The following DPP6 variants were observed in gnomAD, a reference collection of about 807,000 sequenced individuals.
DPP6 encodes the protein A-type potassium channel modulatory protein DPP6.
A neutral mutation model predicts 122.6 loss-of-function variants in DPP6; 69 were observed. The ratio of observed to expected loss-of-function variants is 0.56; its 90% CI spans 0.46 to 0.69. DPP6 has a LOEUF of 0.69. DPP6 is among the 30% of genes least tolerant of loss of function. DPP6 has a pLI of 0.00. For synonymous variants in DPP6, 418 were observed against 433.1 expected (o/e 0.97, Z 0.43); for missense variants, 928 against 1,116.9 (o/e 0.83, Z 2.41).
At chr7:154,090,981 C>A (rs924722569) in intron 1 of DPP6, among the ~76,000 whole-genome samples, 1 of 150,846 alleles carries the variant, frequency 6.6e-6, no homozygotes, top group Non-Finnish European at 1.5e-5. Context: ...ATTAGCCAGG[C>A]GTGGTGGCGG....
intron 7 of DPP6, among the ~76,000 whole-genome samples, chr7:154,705,431 CA>C (rs1322702363): frequency 6.6e-6 from 1 of 152,168 alleles, no homozygotes; most frequent in Non-Finnish European, 1.5e-5. Flanking sequence ...TCTTCCAGTG[CA>C]AAACGTCTTC....
chr7:154,567,516 G>C (rs753804230), intron 5 of DPP6, among the ~76,000 whole-genome samples: 5 of 152,126 alleles, frequency 3.3e-5, no homozygotes, highest in Non-Finnish European at 7.4e-5. Context: ...TGACATGCTC[G>C]TATTTCAAAT....
intron 1 of DPP6, among the ~76,000 whole-genome samples, chr7:154,077,960 C>CTT (rs1303821162): frequency 6.6e-6 from 1 of 152,120 alleles, no homozygotes; most frequent in Non-Finnish European, 1.5e-5. Context: ...TGAGCTACTG[C>CTT]TCCCGGCCAA....
At chr7:154,448,017 C>T (rs1820034734) in intron 2 of DPP6, among the ~76,000 whole-genome samples, 1 of 152,138 alleles carries the variant, frequency 6.6e-6, no homozygotes, top group Non-Finnish European at 1.5e-5. Context: ...AGATGGTAGA[C>T]AAGGATGTTC....
At chr7:154,205,699 C>G (rs1799405544) in intron 1 of DPP6, among the ~76,000 whole-genome samples, 1 of 152,102 alleles carries the variant, frequency 6.6e-6, no homozygotes, top group Admixed American at 6.5e-5. Flanking sequence ...CGGAGCACTC[C>G]TCCGCCATGA....
At chr7:154,017,900 A>G (rs1027256579) in intron 1 of DPP6, among the ~76,000 whole-genome samples, 2 of 152,040 alleles carry the variant, frequency 1.3e-5, no homozygotes, top group Non-Finnish European at 2.9e-5. Context: ...AGGAATTCGT[A>G]AATACAAAGA....
intron 1 of DPP6, among the ~76,000 whole-genome samples, chr7:154,285,904 CAACTT>C (rs1368267258): frequency 2.0e-5 from 3 of 152,180 alleles, no homozygotes; most frequent in Admixed American, 1.3e-4. Flanking sequence ...TTCATTCTGA[CAACTT>C]GACTGGTGAT....
chr7:154,270,809 C>G (rs779650640), intron 1 of DPP6, among the ~76,000 whole-genome samples: 2 of 152,148 alleles, frequency 1.3e-5, no homozygotes, highest in Non-Finnish European at 2.9e-5. Context: ...AAATTCTGCC[C>G]TGGTTCTGGG....
chr7:154,669,684 A>C (rs902362922), intron 7 of DPP6, among the ~76,000 whole-genome samples: 2 of 152,154 alleles, frequency 1.3e-5, no homozygotes, highest in East Asian at 3.8e-4. Context: ...TACATCTGAC[A>C]TGGTTAAAGT....
At chr7:154,496,018 A>G (rs1586452573) in intron 3 of DPP6, among the ~76,000 whole-genome samples, 1 of 152,226 alleles carries the variant, frequency 6.6e-6, no homozygotes. Context: ...AATAGGGAAT[A>G]CCTCATCCAG....
intron 1 of DPP6, among the ~76,000 whole-genome samples, chr7:153,982,310 T>C (rs1375008398): frequency 1.3e-5 from 2 of 151,718 alleles, no homozygotes; most frequent in Admixed American, 6.6e-5. Flanking sequence ...CAATCTCTGA[T>C]ACCCCTTCTT....
intron 3 of DPP6, among the ~76,000 whole-genome samples, chr7:154,539,258 T>G (rs919087594): frequency 1.3e-5 from 2 of 152,208 alleles, no homozygotes; most frequent in African/African-American, 4.8e-5. Flanking sequence ...TGTATGAAAT[T>G]TTCTTACTCT....
chr7:154,171,754 T>C lies in DPP6; in HGVS notation c.243+118691T>C, dbSNP rs144925840. On this transcript the variant is annotated intron_variant, in intron 1 of 25. Transcript: ENST00000377770. The stretch of plus-strand genomic sequence containing the variant: ...AGCAACACTGTTGAGCTCTCTAGTT[T>C]GCAGAAGAGTCCAAGGGTCCTCACA... Among the ~76,000 whole-genome samples the C allele has an allele frequency of 2.2e-3, 333 of 152,246 alleles. 1 individual carries two copies. Among genetic ancestry groups the C allele is most frequent in the African/African-American group, 7.6e-3 (317 of 41,532 alleles).
intron 8 of DPP6, among the ~76,000 whole-genome samples, chr7:154,743,219 A>G (rs1010531670): frequency 3.9e-5 from 6 of 152,126 alleles, no homozygotes; most frequent in African/African-American, 1.2e-4. Context: ...GCCTTTAGAT[A>G]GAGTACTTCC....
intron 1 of DPP6, among the ~76,000 whole-genome samples, chr7:153,921,609 A>G (rs908659942): frequency 4.6e-5 from 7 of 152,240 alleles, no homozygotes; most frequent in African/African-American, 1.7e-4. Flanking sequence ...GAGGGAACAC[A>G]TTGTTCACAG....
chr7:154,841,546 G>A (rs913242352), intron 16 of DPP6, among the ~76,000 whole-genome samples: 17 of 151,972 alleles, frequency 1.1e-4, no homozygotes, highest in African/African-American at 4.1e-4. Context: ...ACTACCCAAA[G>A]GTACGAGCTG....
chr7:154,472,317 G>A (rs533330241), intron 2 of DPP6, among the ~76,000 whole-genome samples: 7 of 152,094 alleles, frequency 4.6e-5, no homozygotes, highest in East Asian at 1.9e-4. Context: ...TGTCTGCCAC[G>A]CCAATGCCAA....
At chr7:154,333,084 C>T (rs188222125) in intron 1 of DPP6, among the ~76,000 whole-genome samples, 2 of 152,224 alleles carry the variant, frequency 1.3e-5, no homozygotes, top group East Asian at 1.9e-4. Context: ...GCCTCCACGT[C>T]GTGATAGCAA....
At chr7:154,818,399 C>T (rs919858033) in intron 16 of DPP6, among the ~76,000 whole-genome samples, 8 of 152,300 alleles carry the variant, frequency 5.3e-5, no homozygotes, top group South Asian at 2.1e-4. Flanking sequence ...GCTGGATCAA[C>T]AGTGTAAGCA....
Sources: allele counts gnomAD v4.1 joint callset (sites outside exome capture counted in the v4.1 genomes callset), GRCh38; gene constraint gnomAD v4.1.1; transcripts MANE v1.5; gene names NCBI Gene and HGNC (gene_info 2026-07-23, HGNC 2026-07-21).